Variants in POLR1A observed in about 807,000 individuals in gnomAD.
The protein encoded by POLR1A is DNA-directed RNA polymerase I subunit RPA1.
In POLR1A, 84 loss-of-function variants were observed where a neutral mutation model predicts 205.3. The observed-to-expected ratio is 0.41, with a 90% CI of 0.34 to 0.49. The LOEUF (loss-of-function observed/expected upper bound fraction) is 0.49, where lower values mean the gene tolerates loss of function less well. Among genes scored for constraint, POLR1A ranks in the 20% least tolerant of loss-of-function variants. The pLI, the probability that POLR1A is intolerant of heterozygous loss-of-function variation, is 0.22. For missense variants in POLR1A, 1,645 were observed against 2,204.5 expected (o/e 0.75, Z 5.08); for synonymous variants, 799 against 863.7 (o/e 0.93, Z 1.31).
At chr2:86,090,058 G>C in intron 3 of POLR1A, 129 bp from the exon 4 acceptor site, 1 of 611,382 alleles carries the variant, frequency 1.6e-6, no homozygotes, top group South Asian at 2.0e-5. Context: ...TATGGCTACT[G>C]TGTTGCACTT....
intron 33 of POLR1A, 33 bp from the exon 34 acceptor site, chr2:86,027,556 T>C (rs761570844): frequency 6.3e-7 from 1 of 1,575,176 alleles, no homozygotes; most frequent in South Asian, 1.1e-5. Flanking sequence ...TGTCAGGGTG[T>C]TGAGGTAGAA....
At chr2:86,073,129 G>T (rs1247192443) in intron 12 of POLR1A, among the ~76,000 whole-genome samples, 1 of 151,934 alleles carries the variant, frequency 6.6e-6, no homozygotes, top group Non-Finnish European at 1.5e-5. Context: ...AGCCCAGGAG[G>T]TGGAGGCTGA....
At chr2:86,027,622 G>A (rs1269694017) in intron 33 of POLR1A, 99 bp from the exon 34 acceptor site, 35 of 1,104,312 alleles carry the variant, frequency 3.2e-5, no homozygotes, top group Non-Finnish European at 4.8e-5. Flanking sequence ...CGGGACTCAG[G>A]TGGGTCCTGA....
At chr2:86,088,730 G>A in intron 5 of POLR1A, 55 bp downstream of exon 5, 5 of 1,590,158 alleles carry the variant, frequency 3.1e-6, no homozygotes, top group Non-Finnish European at 4.3e-6. Flanking sequence ...TTTAATAATA[G>A]CAATGAGTGA....
intron 14 of POLR1A, among the ~76,000 whole-genome samples, chr2:86,054,575 C>T (rs142016122): frequency 2.6e-4 from 39 of 152,314 alleles, no homozygotes; most frequent in African/African-American, 6.7e-4. Context: ...ATCCCCTAGA[C>T]TTGAATTAAA....
rs534111940 is a variant in POLR1A at position 86,047,020 on chromosome 2, A to G, written c.2733+145T>C. The G allele has an allele frequency of 1.1e-3, 627 of 583,082 alleles. 6 individuals carry two copies. In the South Asian group the frequency reaches 0.014, roughly 13 times the overall value. 36.1% of individuals were successfully genotyped at this position (583,082 alleles called of 1,614,324 possible). A position where few individuals can be genotyped will look rare whatever the true frequency, so the allele number is the denominator to read the frequency against. On this transcript the variant is annotated intron_variant, in intron 19 of 33. Coordinates refer to ENST00000263857, the MANE Select transcript of POLR1A (RefSeq NM_015425.6). ...CTGCCTTTAACATTGGCATGTTAACAGTGGTTAGCTCCTGTAGTGATTTCT... is the reference window on the plus strand; with the variant it reads ...CTGCCTTTAACATTGGCATGTTAACGGTGGTTAGCTCCTGTAGTGATTTCT...
chr2:86,091,641 T>C (rs1027750570), intron 3 of POLR1A, among the ~76,000 whole-genome samples: 1 of 152,204 alleles, frequency 6.6e-6, no homozygotes, highest in Non-Finnish European at 1.5e-5. Context: ...GTAGGCACCA[T>C]GAATAATTTT....
intron 3 of POLR1A, among the ~76,000 whole-genome samples, chr2:86,091,040 A>AC (rs1558785074): frequency 1.3e-5 from 2 of 152,112 alleles, no homozygotes; most frequent in South Asian, 4.1e-4. Context: ...ATCATTCTTC[A>AC]CCCCCCAACA....
At chr2:86,045,444 C>T in intron 20 of POLR1A, 84 bp from the exon 21 acceptor site, 3 of 1,274,922 alleles carry the variant, frequency 2.4e-6, no homozygotes, top group Non-Finnish European at 3.4e-6. Context: ...CCTCCAGCAG[C>T]CTTTCCTGAC....
chr2:86,047,579 T>C (rs887322541), intron 18 of POLR1A, among the ~76,000 whole-genome samples: 4 of 152,200 alleles, frequency 2.6e-5, no homozygotes, highest in African/African-American at 9.6e-5. Context: ...CAGATCCAGT[T>C]CGTGATTCTA....
Position 86,055,294 on chromosome 2 carries a change from C to CAAAAAAAAAAAA in POLR1A, c.2059-1006_2059-1005insTTTTTTTTTTTT, listed in dbSNP as rs1265267243. On this transcript the variant is annotated intron_variant, in intron 14 of 33. Transcript: ENST00000263857. ...TGGGTGAGAGAGTGGAACTCTGTCT[C>CAAAAAAAAAAAA]AAGAAAAAAAAGAGAGTGGGCAATG... Among the ~76,000 whole-genome samples the CAAAAAAAAAAAA allele has an allele frequency of 5.2e-3, 788 of 150,648 alleles. 12 individuals carry two copies. Among genetic ancestry groups the CAAAAAAAAAAAA allele is most frequent in the African/African-American group, 0.018 (731 of 40,858 alleles).
At chr2:86,037,697 G>A (rs1336824064) in intron 27 of POLR1A, among the ~76,000 whole-genome samples, 1 of 152,240 alleles carries the variant, frequency 6.6e-6, no homozygotes, top group Non-Finnish European at 1.5e-5. Flanking sequence ...AACCATCTGG[G>A]CCTTACTGGG....
At chr2:86,073,691 C>T (rs937765635) in intron 12 of POLR1A, among the ~76,000 whole-genome samples, 2 of 152,330 alleles carry the variant, frequency 1.3e-5, no homozygotes, top group East Asian at 3.9e-4. Flanking sequence ...ATGCTTACTT[C>T]CTAGTGGTTC....
In POLR1A at chr2:86,038,743, T is replaced by G. The variant is rs757206851; in HGVS notation, c.3991A>C (p.Lys1331Gln). ...AGGATGTCCTCGGGTCTCAGGCACT[T>G]CTCCTGCTGGTAATATGCATGTGGC... ...FLPHAYYQQE[K>Q]CLRPEDILRF... The change falls in exon 27 of 34, where the codon AAG becomes CAG. Residue 1331 changes from lysine to glutamine, a missense_variant. Physicochemically the swap from Lys to Gln is moderately conservative, Grantham distance 53. This residue lies in a region of POLR1A where 394 missense variants were observed against 468.5 expected (regional missense o/e 0.84). Transcript: ENST00000263857. 6.2e-7 allele frequency: 1 copy of G among 1,614,022 alleles called. No individual in the cohort carries two copies. The highest frequency in any genetic ancestry group is 8.5e-7 in the Non-Finnish European group (1 of 1,179,958).
chr2:86,028,049 C>G lies in POLR1A; in HGVS notation c.4898G>C (p.Gly1633Ala). Residue 1633 changes from glycine to alanine, a missense_variant and splice_region_variant, in exon 33 of 34, where the codon GGC (glycine) becomes GCC (alanine). Physicochemically the swap from Gly to Ala is moderately conservative, Grantham distance 60 (BLOSUM62 0). Coordinates refer to ENST00000263857, the MANE Select transcript of POLR1A (RefSeq NM_015425.6). This position sits in a 1 kb window ranked among gnomAD's most constrained non-coding sequence, Gnocchi z 4.5. Reference protein sequence around the residue: ...KEIKDVFAVYGIAVDPRHLSL... With the variant: ...KEIKDVFAVYAIAVDPRHLSL... ...GAGATGGCGAGGGTCGACCGCGATGCCTGTCAAACGGGAGGTAAAATTAGG... is the reference window on the plus strand; with the variant it reads ...GAGATGGCGAGGGTCGACCGCGATGGCTGTCAAACGGGAGGTAAAATTAGG... 1.2e-6 allele frequency: 2 copies of G among 1,614,086 alleles called. No individual in the cohort carries two copies. The highest frequency in any genetic ancestry group is 1.7e-6 in the Non-Finnish European group (2 of 1,179,976).
At chr2:86,065,531 A>C in intron 13 of POLR1A, 66 bp from the exon 14 acceptor site, 3 of 1,443,268 alleles carry the variant, frequency 2.1e-6, no homozygotes, top group Non-Finnish European at 2.9e-6. Flanking sequence ...CTAATCCCTA[A>C]TCGCCTGCCT....
intron 3 of POLR1A, among the ~76,000 whole-genome samples, chr2:86,096,999 A>G (rs1389603651): frequency 6.6e-6 from 1 of 152,072 alleles, no homozygotes; most frequent in Non-Finnish European, 1.5e-5. Context: ...CAGAATATGT[A>G]AGGAACTCAA....
intron 33 of POLR1A, 103 bp from the exon 34 acceptor site, chr2:86,027,626 G>C (rs1672293307): frequency 9.6e-7 from 1 of 1,043,992 alleles, no homozygotes; most frequent in South Asian, 1.3e-5. Flanking sequence ...ACTCAGGTGG[G>C]TCCTGAGTCT....
rs753486574 is a variant in POLR1A at position 86,081,648 on chromosome 2, G to T, written c.876C>A (p.Phe292Leu). ...AATCTAGAAAGAACACACTGGGATT[G>T]AATCTGGATTCCATACCATCATCAT... ...GMDDDGMESR[F>L]NPSVFFLDFL... The change falls in exon 8 of 34, where the codon TTC becomes TTA. Residue 292 changes from phenylalanine (F) to leucine (L), a missense_variant. Around this residue, in one of 16 missense-constraint regions of POLR1A, gnomAD observed 330 missense variants for 375.6 expected, o/e 0.88. Coordinates refer to ENST00000263857, the MANE Select transcript of POLR1A (RefSeq NM_015425.6). 6.2e-7 allele frequency: 1 copy of T among 1,612,798 alleles called. No homozygotes were observed. Among genetic ancestry groups the T allele is most frequent in the Non-Finnish European group, 8.5e-7 (1 of 1,179,434 alleles).
Sources: gnomAD v4.1 joint callset for allele counts (sites outside exome capture counted in the v4.1 genomes callset) on GRCh38, gnomAD v4.1.1 for gene constraint, gnomAD v4.1.1 regional missense constraint, Gnocchi (gnomAD v3.1) non-coding constraint, MANE v1.5 for transcripts, NCBI Gene and HGNC (gene_info 2026-07-23, HGNC 2026-07-21) for gene names.